The following NR3C1 variants were observed in gnomAD, a reference collection of about 807,000 sequenced individuals.
NR3C1 encodes the protein glucocorticoid receptor.
A neutral mutation model predicts 74.0 loss-of-function variants in NR3C1; 14 were observed. The observed-to-expected ratio is 0.19, with a 90% CI of 0.12 to 0.30. The LOEUF (loss-of-function observed/expected upper bound fraction) is 0.30. Ranked by LOEUF, NR3C1 falls within the 10% of genes least tolerant of loss-of-function variation. NR3C1 has a pLI of 1.00. For missense variants in NR3C1, 695 were observed against 909.8 expected (o/e 0.76, Z 3.04); for synonymous variants, 308 against 332.5 (o/e 0.93, Z 0.80).
intron 7 of NR3C1, among the ~76,000 whole-genome samples, chr5:143,286,890 T>C (rs1282369106): frequency 6.6e-6 from 1 of 151,778 alleles, no homozygotes; most frequent in Middle Eastern, 3.2e-3. Context: ...ATTGGAGTCA[T>C]TCAATATTAG....
At chr5:143,370,357 A>T (rs1290488415) in intron 2 of NR3C1, among the ~76,000 whole-genome samples, 1 of 152,172 alleles carries the variant, frequency 6.6e-6, no homozygotes, top group African/African-American at 2.4e-5. Flanking sequence ...CTTTTTGTTT[A>T]TTTAGGACCT....
At chr5:143,412,618 CCA>C (rs1841331678) in intron 1 of NR3C1, among the ~76,000 whole-genome samples, 1 of 152,172 alleles carries the variant, frequency 6.6e-6, no homozygotes, top group Non-Finnish European at 1.5e-5. Flanking sequence ...CTTCTGGCAA[CCA>C]CAGTTTTCCC....
chr5:143,397,074 A>G (rs1290896899), intron 2 of NR3C1, among the ~76,000 whole-genome samples: 5 of 151,816 alleles, frequency 3.3e-5, no homozygotes, highest in African/African-American at 9.7e-5. Context: ...ACTAAGCTCA[A>G]TCATAATATT....
At chr5:143,426,493 T>G (rs1751536427) in intron 1 of NR3C1, among the ~76,000 whole-genome samples, 2 of 152,226 alleles carry the variant, frequency 1.3e-5, no homozygotes, top group African/African-American at 4.8e-5. Context: ...GCACGAGTTA[T>G]GCCATTAATA....
chr5:143,315,897 G>A (rs1821976254), intron 2 of NR3C1, among the ~76,000 whole-genome samples: 1 of 152,062 alleles, frequency 6.6e-6, no homozygotes, highest in African/African-American at 2.4e-5. Flanking sequence ...CTTGCCAACT[G>A]CCTGCTTACC....
At chr5:143,308,619 C>T (rs1014878970) in intron 4 of NR3C1, among the ~76,000 whole-genome samples, 12 of 152,148 alleles carry the variant, frequency 7.9e-5, no homozygotes, top group Non-Finnish European at 1.2e-4. Flanking sequence ...GATCATGTCT[C>T]TGCCCTTATT....
rs1008340994 is a variant in NR3C1, at chr5:143,400,664, C to T, written c.176G>A (p.Arg59Gln). 1.2e-6 allele frequency: 2 copies of T among 1,613,996 alleles called. No homozygotes were observed. Among genetic ancestry groups the T allele is most frequent in the African/African-American group, 1.3e-5 (1 of 75,026 alleles). Residue 59 changes from arginine (R) to glutamine (Q), a missense_variant, in exon 2 of 9, where the codon CGA becomes CAA. Around this residue, in one of 4 missense-constraint regions of NR3C1, gnomAD observed 497 missense variants for 489.5 expected, o/e 1.02. Coordinates refer to ENST00000394464, the MANE Select transcript of NR3C1 (RefSeq NM_000176.3). ...AVASQSDSKQ[R>Q]RLLVDFPKGS... ...TTTTGGAAAATCAACCAAAAGTCTT[C>T]GCTGCTTGGAGTCTGATTGAGAAGC...
rs1172094764 is a variant in NR3C1, at chr5:143,298,695, C to T, written c.1865G>A (p.Cys622Tyr). Residue 622 changes from cysteine to tyrosine, a missense_variant, in exon 6 of 9, where the codon TGT becomes TAT. This residue lies in a region of NR3C1 where 133 missense variants were observed against 287.9 expected (regional missense o/e 0.46). Transcript: ENST00000394464. ...ATTAATAATCAGATCAGGAGCAAAACACAGCAGGTTTGCACTTGATTGTCT... is the reference window on the plus strand; with the variant it reads ...ATTAATAATCAGATCAGGAGCAAAATACAGCAGGTTTGCACTTGATTGTCT... ...SYRQSSANLL[C>Y]FAPDLIINEQ... is the part of the protein sequence containing the mutation. 2.5e-6 allele frequency: 4 copies of T among 1,613,704 alleles called. No individual in the cohort carries two copies. Among genetic ancestry groups the T allele is most frequent in the Non-Finnish European group, 3.4e-6 (4 of 1,179,882 alleles).
chr5:143,375,598 T>G (rs538782014), intron 2 of NR3C1: 1 of 152,262 alleles, frequency 6.6e-6, no homozygotes, highest in Non-Finnish European at 1.5e-5. Context: ...ACAAATTAGA[T>G]TGTTACTAAA....
At position 143,403,447 on chromosome 5, in the gene NR3C1, GA is replaced by G. The variant is rs1561799001; in HGVS notation, c.-251del. The G allele has an allele frequency of 1.2e-6, 1 of 839,310 alleles. No individual in the cohort carries two copies. The highest frequency in any genetic ancestry group is 1.3e-6 in the Non-Finnish European group (1 of 762,326). 52.0% of individuals were successfully genotyped at this position (839,310 alleles called of 1,614,324 possible). A position where few individuals can be genotyped will look rare whatever the true frequency, so the allele number is the denominator to read the frequency against. On this transcript the variant is annotated 5_prime_UTR_variant, in exon 1 of 9. Coordinates refer to ENST00000394464, the MANE Select transcript of NR3C1 (RefSeq NM_000176.3). Reference sequence around the variant, plus strand: ...CGCCCCGCGCCGGGCTCCGCGGGTCGAGGTTCCGGGCGCGCGTGCCCCGTCC... The same window carrying G: ...CGCCCCGCGCCGGGCTCCGCGGGTCGGGTTCCGGGCGCGCGTGCCCCGTCC...
At chr5:143,408,697 G>T (rs968811627) in intron 1 of NR3C1, among the ~76,000 whole-genome samples, 1 of 151,992 alleles carries the variant, frequency 6.6e-6, no homozygotes, top group African/African-American at 2.4e-5. Context: ...CAAAGTTTGT[G>T]GTAAGTACTT....
chr5:143,279,475 A>C lies in NR3C1; in HGVS notation c.*2414T>G. 1 of 1,443,640 alleles carries C rather than the reference A, an allele frequency of 6.9e-7. No individual in the cohort carries two copies. The highest frequency in any genetic ancestry group is 9.1e-7 in the Non-Finnish European group (1 of 1,103,152). 89.4% of individuals were successfully genotyped at this position (1,443,640 alleles called of 1,614,324 possible). ...TTGAAACTTAACACTGTCATTGATA[A>C]GAATATTCAAGCAGTTTTCTTAGGC... On this transcript the variant is annotated 3_prime_UTR_variant, in exon 9 of 9. Transcript: ENST00000394464.
At chr5:143,348,371 T>A (rs1829668070) in intron 2 of NR3C1, among the ~76,000 whole-genome samples, 1 of 152,226 alleles carries the variant, frequency 6.6e-6, no homozygotes, top group East Asian at 1.9e-4. Flanking sequence ...ATTCCACATC[T>A]GCAAGTTTAC....
intron 2 of NR3C1, among the ~76,000 whole-genome samples, chr5:143,337,883 T>C (rs1827452012): frequency 6.6e-6 from 1 of 152,212 alleles, no homozygotes. Flanking sequence ...AGGGCAGTGG[T>C]TACCTCTGGG....
chr5:143,337,718 T>C lies in NR3C1; in HGVS notation c.1185-23550A>G, dbSNP rs148198910. On this transcript the variant is annotated intron_variant, in intron 2 of 8. Coordinates refer to ENST00000394464, the MANE Select transcript of NR3C1 (RefSeq NM_000176.3). Reference sequence around the variant, plus strand: ...ACAATGTTGAATGAAAAAAGCAAGATGCAAAATGACATATATAATATTCTA... The same window carrying C: ...ACAATGTTGAATGAAAAAAGCAAGACGCAAAATGACATATATAATATTCTA... Among the ~76,000 whole-genome samples the C allele has an allele frequency of 1.0e-3, 155 of 152,184 alleles. 3 individuals are homozygous for C. In the East Asian group the frequency reaches 0.022, roughly 22 times the overall value.
chr5:143,302,677 T>C (rs951779759), intron 4 of NR3C1, among the ~76,000 whole-genome samples: 1 of 152,094 alleles, frequency 6.6e-6, no homozygotes, highest in African/African-American at 2.4e-5. Context: ...AGAAAACTGA[T>C]GTTTTTCAAT....
chr5:143,412,472 A>T (rs951620736), intron 1 of NR3C1, among the ~76,000 whole-genome samples: 1 of 152,094 alleles, frequency 6.6e-6, no homozygotes, highest in Non-Finnish European at 1.5e-5. Flanking sequence ...CTCACACTGA[A>T]TCACCCTGTG....
In NR3C1 at chr5:143,403,291, G is replaced by A. The variant is rs2151948631; in HGVS notation, c.-94C>T. The A allele has an allele frequency of 2.0e-6, 2 of 984,720 alleles. No homozygotes were observed. Among genetic ancestry groups the A allele is most frequent in the Non-Finnish European group, 2.4e-6 (2 of 829,278 alleles). 61.0% of individuals were successfully genotyped at this position (984,720 alleles called of 1,614,324 possible). ...ATAAACAACTTAGCTTGTGAACGCA[G>A]AAGGAGCAGGAGGGAAATATATTTT... On this transcript the variant is annotated 5_prime_UTR_variant, in exon 1 of 9. Transcript: ENST00000394464.
chr5:143,429,359 G>A (rs756836152), intron 1 of NR3C1, among the ~76,000 whole-genome samples: 3 of 152,202 alleles, frequency 2.0e-5, no homozygotes, highest in Admixed American at 6.5e-5. Context: ...ATGGTTAAAT[G>A]AATACCTCAT....
Sources: allele counts gnomAD v4.1 joint callset (sites outside exome capture counted in the v4.1 genomes callset), GRCh38; gene constraint gnomAD v4.1.1; regional missense constraint gnomAD v4.1.1; transcripts MANE v1.5; gene names NCBI Gene and HGNC (gene_info 2026-07-23, HGNC 2026-07-21).